The following NBEAL1 variants were observed in gnomAD, a reference collection of about 807,000 sequenced individuals.
NBEAL1 encodes the protein neurobeachin like 1.
In NBEAL1, 273 loss-of-function variants were observed where a neutral mutation model predicts 351.3. That is an observed-to-expected ratio of 0.78 (90% CI 0.70 to 0.86). The LOEUF is 0.86. NBEAL1 is among the 40% of genes least tolerant of loss of function. NBEAL1 has a pLI of 0.00. For missense variants in NBEAL1, 2,961 were observed against 3,201.3 expected (o/e 0.92, Z 1.81); for synonymous variants, 1,050 against 1,086.4 (o/e 0.97, Z 0.66).
At chr2:203,202,091 G>A (rs936404691) in intron 50 of NBEAL1, among the ~76,000 whole-genome samples, 8 of 152,082 alleles carry the variant, frequency 5.3e-5, no homozygotes, top group African/African-American at 1.2e-4. Context: ...ATTGTTGAAT[G>A]TAGTTTTAAC....
At chr2:203,145,619 G>A (rs1198219773) in intron 33 of NBEAL1, among the ~76,000 whole-genome samples, 3 of 151,862 alleles carry the variant, frequency 2.0e-5, no homozygotes. Context: ...CCAACATGGC[G>A]AAACCCCACC....
intron 4 of NBEAL1, among the ~76,000 whole-genome samples, chr2:203,053,797 C>G (rs1339821347): frequency 6.6e-6 from 1 of 151,928 alleles, no homozygotes; most frequent in Non-Finnish European, 1.5e-5. Context: ...GGATTACAGG[C>G]ATGAGCCACT....
rs984266672 is a variant in NBEAL1, at chr2:203,222,204, A to T, written c.*4850A>T. Among the ~76,000 whole-genome samples the T allele has an allele frequency of 7.9e-5, 12 of 152,326 alleles. No homozygotes were observed. The highest frequency in any genetic ancestry group is 6.5e-4 in the Admixed American group (10 of 15,300). ...CCTGTCTCCAAAAATACATTTTTTT[A>T]AATTTAAATCTGGCAGTTTCTAGGC... On this transcript the variant is annotated 3_prime_UTR_variant, in exon 56 of 56. Coordinates refer to ENST00000683969, the MANE Select transcript of NBEAL1 (RefSeq NM_001378026.1).
intron 6 of NBEAL1, among the ~76,000 whole-genome samples, chr2:203,067,473 G>T (rs1307041298): frequency 6.6e-6 from 1 of 152,146 alleles, no homozygotes; most frequent in Non-Finnish European, 1.5e-5. Context: ...TATGTGGTTT[G>T]TTCTATGATC....
intron 10 of NBEAL1, among the ~76,000 whole-genome samples, chr2:203,093,480 C>G (rs2062111917): frequency 6.6e-6 from 1 of 152,100 alleles, no homozygotes; most frequent in South Asian, 2.1e-4. Flanking sequence ...GAATCATGAC[C>G]TTTAAAAGTT....
At chr2:203,042,392 T>C (rs2061156484) in intron 3 of NBEAL1, among the ~76,000 whole-genome samples, 1 of 152,192 alleles carries the variant, frequency 6.6e-6, no homozygotes, top group African/African-American at 2.4e-5. Context: ...CCTCTCCCCA[T>C]GGAGTCAGGT....
intron 14 of NBEAL1, among the ~76,000 whole-genome samples, chr2:203,108,590 A>G (rs1199226900): frequency 6.6e-6 from 1 of 151,624 alleles, no homozygotes; most frequent in Admixed American, 6.6e-5. Context: ...TTTTTCGTAG[A>G]GATGGGGTTT....
chr2:203,182,190 T>G (rs555043890), intron 43 of NBEAL1: 5 of 152,232 alleles, frequency 3.3e-5, no homozygotes, highest in African/African-American at 1.2e-4. Context: ...AATCCTGAGG[T>G]ATGGTAGTTT....
At chr2:203,059,261 T>C (rs2061457364) in intron 6 of NBEAL1, among the ~76,000 whole-genome samples, 1 of 152,188 alleles carries the variant, frequency 6.6e-6, no homozygotes, top group Non-Finnish European at 1.5e-5. Context: ...AGATGGAGAT[T>C]GGAAAAATGT....
intron 31 of NBEAL1, 117 bp downstream of exon 31, chr2:203,138,865 T>C: frequency 1.0e-6 from 1 of 989,980 alleles, no homozygotes; most frequent in Non-Finnish European, 1.4e-6. Context: ...GTTCTAAAAG[T>C]ATCCATGATT....
Position 203,149,094 on chromosome 2 carries a change from G to C in NBEAL1, c.5408G>C (p.Arg1803Pro), listed in dbSNP as rs765288289. Residue 1803 changes from arginine to proline, a missense_variant, in exon 34 of 56, where the codon CGC (arginine) becomes CCC (proline). Physicochemically the swap from Arg to Pro is moderately radical, Grantham distance 103 (BLOSUM62 -2). Coordinates refer to ENST00000683969, the MANE Select transcript of NBEAL1 (RefSeq NM_001378026.1). ...AGTCAACAGTTAGCCACTCTTAGACGCTGGAAAGCAATACAGCTCTATCTT... is the reference window on the plus strand; with the variant it reads ...AGTCAACAGTTAGCCACTCTTAGACCCTGGAAAGCAATACAGCTCTATCTT... Reference protein sequence around the residue: ...LSSQQLATLRRWKAIQLYLTC... With the variant: ...LSSQQLATLRPWKAIQLYLTC... The C allele has an allele frequency of 1.2e-6, 2 of 1,612,156 alleles. No individual in the cohort carries two copies. Among genetic ancestry groups the C allele is most frequent in the East Asian group, 4.5e-5 (2 of 44,836 alleles).
At chr2:203,039,151 G>A (rs1323515554) in intron 2 of NBEAL1, among the ~76,000 whole-genome samples, 1 of 147,396 alleles carries the variant, frequency 6.8e-6, no homozygotes, top group African/African-American at 2.5e-5. Context: ...TGTCTGTCTT[G>A]TCTTGTCTTG....
At position 203,175,275 on chromosome 2, in the gene NBEAL1, T is replaced by C; in HGVS notation, c.6452T>C (p.Leu2151Pro). Residue 2151 changes from leucine to proline, a missense_variant, in exon 42 of 56, where the codon CTT (leucine) becomes CCT (proline). Coordinates refer to ENST00000683969, the MANE Select transcript of NBEAL1 (RefSeq NM_001378026.1). Reference sequence around the variant, plus strand: ...CCGTTCACCACCCTCCACATCCAACTTCAGAGTGGAAGGTATGTTTTGAGT... The same window carrying C: ...CCGTTCACCACCCTCCACATCCAACCTCAGAGTGGAAGGTATGTTTTGAGT... ...VEPFTTLHIQ[L>P]QSGRFDCADR... 6.2e-7 allele frequency: 1 copy of C among 1,613,326 alleles called. No individual in the cohort carries two copies. Among genetic ancestry groups the C allele is most frequent in the South Asian group, 1.1e-5 (1 of 90,774 alleles).
chr2:203,220,313 G>A lies in NBEAL1; in HGVS notation c.*2959G>A, dbSNP rs553871186. ...AGCCTGGCCAACATGGTGAAACCCT[G>A]TCTCTACTAAAAATACAAAAATTTG... On this transcript the variant is annotated 3_prime_UTR_variant, in exon 56 of 56. Coordinates refer to ENST00000683969, the MANE Select transcript of NBEAL1 (RefSeq NM_001378026.1). 6.6e-6 allele frequency among the ~76,000 whole-genome samples: 1 copy of A among 152,064 alleles called. No individual in the cohort carries two copies. Among genetic ancestry groups the A allele is most frequent in the African/African-American group, 2.4e-5 (1 of 41,468 alleles).
intron 2 of NBEAL1, among the ~76,000 whole-genome samples, chr2:203,039,189 T>C (rs62182171): frequency 0.43 from 48,637 of 112,460 alleles, 15,312 homozygotes; most frequent in Middle Eastern, 0.72. Flanking sequence ...CCTTTCCTTT[T>C]CTTTCCTTTC....
At chr2:203,144,470 A>G (rs1372243307) in intron 31 of NBEAL1, 130 bp from the exon 32 acceptor site, 6 of 814,328 alleles carry the variant, frequency 7.4e-6, no homozygotes, top group African/African-American at 5.2e-5. Flanking sequence ...AGGCAAAGTA[A>G]CATCTGAGAC....
rs768953964 is a variant in NBEAL1 at position 203,115,942 on chromosome 2, A to G, written c.2507-43A>G. 6.4e-6 allele frequency: 8 copies of G among 1,242,240 alleles called. No individual in the cohort carries two copies. The South Asian group carries it at 7.8e-5, about 12-fold the overall frequency. 77.0% of individuals were successfully genotyped at this position (1,242,240 alleles called of 1,614,324 possible). ...CTGATAACACAGAACCAAGGAGACC[A>G]TATATATTCAATGGTGTGTATGTGT... On this transcript the variant is annotated intron_variant, in intron 17 of 55. Coordinates refer to ENST00000683969, the MANE Select transcript of NBEAL1 (RefSeq NM_001378026.1).
rs1466135726 is a variant in NBEAL1, at chr2:203,168,401, CA to C, written c.5997+1042del. Among the ~76,000 whole-genome samples the C allele has an allele frequency of 2.0e-5, 3 of 152,294 alleles. 1 individual carries two copies. The highest frequency in any genetic ancestry group is 1.3e-4 in the Admixed American group (2 of 15,296). ...AGGAGTTCGAGACCACCCTGGCCAA[CA>C]TGGTGAAACACCATCTCTACTAATA... On this transcript the variant is annotated intron_variant, in intron 38 of 55. Coordinates refer to ENST00000683969, the MANE Select transcript of NBEAL1 (RefSeq NM_001378026.1).
At chr2:203,167,533 G>A (rs571461561) in intron 38 of NBEAL1, among the ~76,000 whole-genome samples, 173 bp downstream of exon 38, 4 of 152,188 alleles carry the variant, frequency 2.6e-5, no homozygotes, top group South Asian at 4.2e-4. Flanking sequence ...ATTTATATAC[G>A]TTTGAGTTTT....
Sources: allele counts gnomAD v4.1 joint callset (sites outside exome capture counted in the v4.1 genomes callset), GRCh38; gene constraint gnomAD v4.1.1; transcripts MANE v1.5; gene names NCBI Gene and HGNC (gene_info 2026-07-23, HGNC 2026-07-21).